The following PTPRT variants were observed in gnomAD, a reference collection of about 807,000 sequenced individuals.
PTPRT encodes receptor-type tyrosine-protein phosphatase T.
Under a neutral mutation model 176.8 loss-of-function variants are expected in PTPRT, and 56 were observed. That is an observed-to-expected ratio of 0.32 (90% CI 0.26 to 0.40). The LOEUF (loss-of-function observed/expected upper bound fraction) is 0.40. Ranked by LOEUF, PTPRT falls within the 10% of genes least tolerant of loss-of-function variation. The pLI, the probability that PTPRT is intolerant of heterozygous loss-of-function variation, is 1.00. For missense variants in PTPRT, 1,540 were observed against 1,908.2 expected (o/e 0.81, Z 3.60); for synonymous variants, 783 against 739.0 (o/e 1.06, Z -0.96).
At chr20:42,981,444 T>C (rs1180643195) in intron 1 of PTPRT, among the ~76,000 whole-genome samples, 1 of 152,144 alleles carries the variant, frequency 6.6e-6, no homozygotes, top group African/African-American at 2.4e-5. Context: ...GCCACGTGAG[T>C]TGCTTTGGCC....
chr20:42,841,290 A>C (rs2078273538), intron 2 of PTPRT, among the ~76,000 whole-genome samples: 1 of 152,192 alleles, frequency 6.6e-6, no homozygotes, highest in African/African-American at 2.4e-5. Context: ...ACACAGCTGA[A>C]CATCCTTGGG....
chr20:43,049,368 G>A (rs1986962526), intron 1 of PTPRT, among the ~76,000 whole-genome samples: 1 of 152,026 alleles, frequency 6.6e-6, no homozygotes, highest in African/African-American at 2.4e-5. Context: ...TACATACGTA[G>A]ACACACTTAC....
rs368225583 is a variant in PTPRT at position 42,646,064 on chromosome 20, T to C, written c.1153+31802A>G. 2.4e-4 allele frequency among the ~76,000 whole-genome samples: 36 copies of C among 152,210 alleles called. 1 individual carries two copies. Among genetic ancestry groups the C allele is most frequent in the East Asian group, 2.1e-3 (11 of 5,186 alleles). On this transcript the variant is annotated intron_variant, in intron 7 of 30. Coordinates refer to ENST00000373187, the MANE Select transcript of PTPRT (RefSeq NM_007050.6). ...ACACTGTAGTGTACCTCCTAGATTC[T>C]CCTTACCCAGCCACTATACCCATCC...
chr20:42,154,781 T>C (rs1418001380), intron 17 of PTPRT, among the ~76,000 whole-genome samples: 1 of 152,198 alleles, frequency 6.6e-6, no homozygotes. Context: ...AACTCGGCTC[T>C]CCAGCCCACA....
chr20:42,112,703 C>A (rs1303784810), intron 22 of PTPRT, among the ~76,000 whole-genome samples: 4 of 152,116 alleles, frequency 2.6e-5, no homozygotes, highest in Non-Finnish European at 5.9e-5. Flanking sequence ...CACTGCCTTC[C>A]CCCTGCAAAC....
intron 16 of PTPRT, among the ~76,000 whole-genome samples, chr20:42,184,532 TTCC>T (rs768382680): frequency 0.02 from 1,973 of 96,774 alleles, 79 homozygotes; most frequent in Middle Eastern, 0.036. Flanking sequence ...CTTCTTCTTC[TTCC>T]TCTTCCTCTT....
intron 1 of PTPRT, among the ~76,000 whole-genome samples, chr20:42,897,666 C>G (rs1415716390): frequency 6.6e-6 from 1 of 152,138 alleles, no homozygotes; most frequent in Non-Finnish European, 1.5e-5. Context: ...CCCAGGGAGA[C>G]ACAGAACAAG....
At chr20:43,028,330 G>C (rs1343150931) in intron 1 of PTPRT, among the ~76,000 whole-genome samples, 3 of 151,986 alleles carry the variant, frequency 2.0e-5, no homozygotes, top group Non-Finnish European at 2.9e-5. Context: ...TCCTTGCTTT[G>C]CCCTTTGAAC....
At chr20:42,193,803 A>C (rs2146650903) in intron 16 of PTPRT, among the ~76,000 whole-genome samples, 1 of 152,310 alleles carries the variant, frequency 6.6e-6, no homozygotes, top group East Asian at 1.9e-4. Flanking sequence ...TTAATGTAAT[A>C]TAGTTATATT....
chr20:43,070,281 T>C (rs571358930), intron 1 of PTPRT, among the ~76,000 whole-genome samples: 8 of 152,160 alleles, frequency 5.3e-5, no homozygotes, highest in South Asian at 4.2e-4. Flanking sequence ...TGAGATACCA[T>C]CTCACACCAA....
chr20:42,058,405 T>C, the PTPRT span, among the ~76,000 whole-genome samples: 1 of 152,220 alleles, frequency 6.6e-6, no homozygotes, highest in Admixed American at 6.5e-5. Flanking sequence ...AGGCACTAAC[T>C]GGAGTCACCT....
intron 4 of PTPRT, among the ~76,000 whole-genome samples, chr20:42,776,744 TTATA>T (rs1429375035): frequency 4.0e-5 from 6 of 148,526 alleles, no homozygotes; most frequent in Non-Finnish European, 7.4e-5. Flanking sequence ...TATGATATGC[TTATA>T]TAATTATAAA....
At chr20:42,756,924 A>C (rs975821687) in intron 5 of PTPRT, among the ~76,000 whole-genome samples, 2 of 151,966 alleles carry the variant, frequency 1.3e-5, no homozygotes, top group Non-Finnish European at 2.9e-5. Flanking sequence ...GGTGGCACTC[A>C]TCTTCAGTCC....
intron 18 of PTPRT, 141 bp downstream of exon 18, chr20:42,141,774 G>A: frequency 1.2e-6 from 1 of 803,678 alleles, no homozygotes; most frequent in South Asian, 1.6e-5. Flanking sequence ...CTGATATAAA[G>A]CTTCCATCTT....
intron 6 of PTPRT, among the ~76,000 whole-genome samples, chr20:42,744,421 C>T (rs1406808610): frequency 6.6e-6 from 1 of 152,200 alleles, no homozygotes; most frequent in Non-Finnish European, 1.5e-5. Flanking sequence ...GATAATTGCT[C>T]AGCTTTCAGA....
chr20:42,095,601 C>T (rs561580362), intron 27 of PTPRT, among the ~76,000 whole-genome samples: 2 of 152,348 alleles, frequency 1.3e-5, no homozygotes, highest in African/African-American at 4.8e-5. Flanking sequence ...CCAGATCCAA[C>T]GTTCTGATCT....
chr20:42,382,499 C>G (rs1038949044), intron 9 of PTPRT, among the ~76,000 whole-genome samples: 1 of 152,160 alleles, frequency 6.6e-6, no homozygotes. Flanking sequence ...ATGGACAAGA[C>G]AGAGCCGTCC....
chr20:42,757,604 T>A (rs2076854192), intron 5 of PTPRT, among the ~76,000 whole-genome samples: 1 of 152,226 alleles, frequency 6.6e-6, no homozygotes, highest in Non-Finnish European at 1.5e-5. Flanking sequence ...TGGAATCTTA[T>A]CTATGTATGA....
At chr20:43,098,047 T>A (rs2012239485) in intron 1 of PTPRT, among the ~76,000 whole-genome samples, 1 of 152,060 alleles carries the variant, frequency 6.6e-6, no homozygotes, top group Non-Finnish European at 1.5e-5. Flanking sequence ...CGAAGCCACG[T>A]GAGGAAGGCC....
Sources: allele counts gnomAD v4.1 joint callset (sites outside exome capture counted in the v4.1 genomes callset), GRCh38; gene constraint gnomAD v4.1.1; transcripts MANE v1.5; gene names NCBI Gene and HGNC (gene_info 2026-07-23, HGNC 2026-07-21).